The following CBLB variants were observed in gnomAD, a reference collection of about 807,000 sequenced individuals.
CBLB encodes the protein Cbl proto-oncogene B.
Under a neutral mutation model 104.9 loss-of-function variants are expected in CBLB, and 31 were observed. That is an observed-to-expected ratio of 0.30 (90% CI 0.22 to 0.40). The LOEUF is 0.40. Among genes scored for constraint, CBLB ranks in the 10% least tolerant of loss-of-function variants. The pLI is 1.00. For missense variants in CBLB, 1,062 were observed against 1,214.6 expected, an observed-to-expected ratio of 0.87 and a Z score of 1.87; for synonymous variants, 440 against 422.6, an observed-to-expected ratio of 1.04 and a Z score of -0.51.
At chr3:105,692,470 G>A (rs1437010780) in intron 13 of CBLB, among the ~76,000 whole-genome samples, 1 of 152,058 alleles carries the variant, frequency 6.6e-6, no homozygotes, top group Admixed American at 6.5e-5. Flanking sequence ...ATTTCACAAA[G>A]AAATAGAGTC....
At chr3:105,743,214 T>C (rs2075778948) in intron 6 of CBLB, among the ~76,000 whole-genome samples, 1 of 152,088 alleles carries the variant, frequency 6.6e-6, no homozygotes, top group African/African-American at 2.4e-5. Context: ...TCCCAGCACG[T>C]TGGGAGACTG....
At chr3:105,826,359 AACAAG>A (rs1302676076) in intron 3 of CBLB, among the ~76,000 whole-genome samples, 1 of 152,224 alleles carries the variant, frequency 6.6e-6, no homozygotes, top group Non-Finnish European at 1.5e-5. Flanking sequence ...TAAAATATTA[AACAAG>A]ACATGCTATC....
chr3:105,681,700 A>G, intron 15 of CBLB, 24 bp downstream of exon 15: 2 of 1,597,870 alleles, frequency 1.3e-6, no homozygotes, highest in African/African-American at 1.3e-5. Context: ...GTACATCACA[A>G]AGGAAATTAT....
chr3:105,689,142 ATTTG>A (rs2067363477), intron 13 of CBLB, among the ~76,000 whole-genome samples: 1 of 152,054 alleles, frequency 6.6e-6, no homozygotes, highest in African/African-American at 2.4e-5. Context: ...CAATATAGTT[ATTTG>A]TTTACTTTCT....
At chr3:105,729,634 T>C (rs1474668317) in intron 9 of CBLB, among the ~76,000 whole-genome samples, 1 of 152,156 alleles carries the variant, frequency 6.6e-6, no homozygotes, top group African/African-American at 2.4e-5. Context: ...CAAGCTTAGA[T>C]ACCACTTTTG....
At chr3:105,808,571 T>A (rs1285635331) in intron 3 of CBLB, among the ~76,000 whole-genome samples, 6 of 152,220 alleles carry the variant, frequency 3.9e-5, no homozygotes, top group African/African-American at 1.2e-4. Flanking sequence ...GAGTCATATT[T>A]CATATTTCTT....
intron 2 of CBLB, among the ~76,000 whole-genome samples, chr3:105,864,287 T>C (rs76062331): frequency 0.022 from 3,396 of 152,308 alleles, 78 homozygotes; most frequent in East Asian, 0.12. Flanking sequence ...GGCGGGATTA[T>C]GTCTTGTCTA....
At chr3:105,816,177 A>G (rs1180595251) in intron 3 of CBLB, among the ~76,000 whole-genome samples, 1 of 152,092 alleles carries the variant, frequency 6.6e-6, no homozygotes, top group African/African-American at 2.4e-5. Flanking sequence ...CATTCTGAAC[A>G]TGTATCCCAG....
At chr3:105,743,213 G>A (rs1282148659) in intron 6 of CBLB, among the ~76,000 whole-genome samples, 4 of 151,914 alleles carry the variant, frequency 2.6e-5, no homozygotes, top group South Asian at 2.1e-4. Flanking sequence ...ATCCCAGCAC[G>A]TTGGGAGACT....
At chr3:105,738,601 G>A (rs1475572548) in intron 7 of CBLB, among the ~76,000 whole-genome samples, 2 of 151,888 alleles carry the variant, frequency 1.3e-5, no homozygotes, top group African/African-American at 4.8e-5. Flanking sequence ...AGAAATTAAA[G>A]ATTACAAAAA....
Position 105,797,886 on chromosome 3 carries a change from G to A in CBLB, c.420-21344C>T, listed in dbSNP as rs1039371153. On this transcript the variant is annotated intron_variant, in intron 3 of 18. Transcript: ENST00000394030. Reference sequence around the variant, plus strand: ...GAAAGGAGAATAATGAGAAGTGGAAGCTCTATCCTTTTGATTAACCTGCTC... The same window carrying A: ...GAAAGGAGAATAATGAGAAGTGGAAACTCTATCCTTTTGATTAACCTGCTC... Among the ~76,000 whole-genome samples, 7 of 152,294 alleles carry A rather than the reference G, an allele frequency of 4.6e-5. 1 individual carries two copies. The South Asian group carries it at 1.2e-3, about 27-fold the overall frequency.
At chr3:105,845,046 T>C (rs867046165) in intron 3 of CBLB, among the ~76,000 whole-genome samples, 29 of 152,254 alleles carry the variant, frequency 1.9e-4, no homozygotes, top group African/African-American at 6.7e-4. Context: ...AATTATCAAA[T>C]TTTAATGTCA....
At chr3:105,807,782 C>G (rs985593289) in intron 3 of CBLB, among the ~76,000 whole-genome samples, 1 of 152,068 alleles carries the variant, frequency 6.6e-6, no homozygotes, top group African/African-American at 2.4e-5. Context: ...GAAGTAGAAT[C>G]GTATATATCA....
intron 4 of CBLB, among the ~76,000 whole-genome samples, chr3:105,760,020 C>G (rs150007331): frequency 3.7e-4 from 56 of 152,272 alleles, no homozygotes; most frequent in Admixed American, 1.3e-3. Flanking sequence ...TATTCTGCAG[C>G]CTAAATCTAT....
intron 4 of CBLB, among the ~76,000 whole-genome samples, chr3:105,769,843 G>A (rs2078651910): frequency 6.6e-6 from 1 of 152,168 alleles, no homozygotes; most frequent in South Asian, 2.1e-4. Flanking sequence ...GATTAGCTCT[G>A]CTTTTTAGAC....
chr3:105,711,980 G>A (rs946641459), intron 10 of CBLB, among the ~76,000 whole-genome samples: 4 of 152,132 alleles, frequency 2.6e-5, no homozygotes, highest in Non-Finnish European at 5.9e-5. Context: ...AGGTCTGGCA[G>A]AGAAGTGGTC....
At chr3:105,681,215 T>C (rs2066278436) in intron 16 of CBLB, 7 of 533,342 alleles carry the variant, frequency 1.3e-5, no homozygotes, top group Non-Finnish European at 2.3e-5. Context: ...AAAGCTCTCA[T>C]GTGTTTTTAG....
chr3:105,673,226 C>T (rs2065258679), intron 17 of CBLB: 1 of 152,062 alleles, frequency 6.6e-6, no homozygotes, highest in African/African-American at 2.4e-5. Context: ...GAGCCACCAA[C>T]ACCCGGCTAA....
Position 105,722,466 on chromosome 3 carries a change from T to G in CBLB, c.1204-2216A>C, listed in dbSNP as rs1169650869. ...TTTCATCTATATGTTCTCTTGTTCC[T>G]TTCACTCTTAGATCGTTTTGAAGTA... On this transcript the variant is annotated intron_variant, in intron 9 of 18. Transcript: ENST00000394030. Among the ~76,000 whole-genome samples, 3 of 152,296 alleles carry G rather than the reference T, an allele frequency of 2.0e-5. No individual in the cohort carries two copies. The East Asian group carries it at 5.8e-4, about 29-fold the overall frequency.
Sources: allele counts gnomAD v4.1 joint callset (sites outside exome capture counted in the v4.1 genomes callset), GRCh38; gene constraint gnomAD v4.1.1; transcripts MANE v1.5; gene names NCBI Gene and HGNC (gene_info 2026-07-23, HGNC 2026-07-21).